Variants in CBFB observed in about 807,000 individuals in gnomAD.
CBFB encodes the protein CBF-beta.
Under a neutral mutation model 30.4 loss-of-function variants are expected in CBFB, and 9 were observed. The ratio of observed to expected loss-of-function variants is 0.30; its 90% CI spans 0.18 to 0.52. The LOEUF (loss-of-function observed/expected upper bound fraction) is 0.52, where lower values mean the gene tolerates loss of function less well. Among genes scored for constraint, CBFB ranks in the 20% least tolerant of loss-of-function variants. The pLI, the probability that CBFB is intolerant of heterozygous loss-of-function variation, is 0.97. For synonymous variants in CBFB, 94 were observed against 84.0 expected, an observed-to-expected ratio of 1.12 and a Z score of -0.65; for missense variants, 170 against 244.0, an observed-to-expected ratio of 0.70 and a Z score of 2.02.
chr16:67,095,522 A>G (rs960287932), intron 5 of CBFB, among the ~76,000 whole-genome samples: 9 of 151,886 alleles, frequency 5.9e-5, no homozygotes, highest in Admixed American at 2.6e-4. Context: ...TGCTCAAACA[A>G]CTGGTAAAAT....
chr16:67,069,345 G>A (rs1252729276), intron 4 of CBFB, among the ~76,000 whole-genome samples: 3 of 151,726 alleles, frequency 2.0e-5, no homozygotes, highest in Admixed American at 6.6e-5. Context: ...ACTCCAGCCT[G>A]GGCGACAGAG....
At position 67,098,774 on chromosome 16, in the gene CBFB, G is replaced by A. The variant is rs200416354; in HGVS notation, c.560G>A (p.Arg187His). 5.4e-5 allele frequency: 86 copies of A among 1,581,256 alleles called. No individual in the cohort carries two copies. The highest frequency in any genetic ancestry group is 6.8e-5 in the Non-Finnish European group (78 of 1,150,326). Residue 187 changes from arginine to histidine, a missense_variant, in exon 6 of 6, where the codon CGT becomes CAT. Coordinates refer to ENST00000412916, the MANE Select transcript of CBFB (RefSeq NM_022845.3). ...NLGGGDDLKL[R>H] is the part of the protein sequence containing the mutation. Reference sequence around the variant, plus strand: ...GGTGGTGGTGATGACCTCAAACTTCGTTAATTAATAGCACAGCAGATGTGT... The same window carrying A: ...GGTGGTGGTGATGACCTCAAACTTCATTAATTAATAGCACAGCAGATGTGT...
intron 4 of CBFB, 102 bp downstream of exon 4, chr16:67,066,900 A>T: frequency 1.6e-6 from 1 of 640,152 alleles, no homozygotes; most frequent in Non-Finnish European, 2.9e-6. Flanking sequence ...AAGTATAGAA[A>T]GTATTGTGTT....
intron 5 of CBFB, among the ~76,000 whole-genome samples, chr16:67,094,568 T>A (rs1240852548): frequency 6.6e-6 from 1 of 152,210 alleles, no homozygotes; most frequent in Admixed American, 6.5e-5. Flanking sequence ...AAAGCTGAAA[T>A]ACTCTTTTCA....
At chr16:67,070,805 C>A (rs922026091) in intron 4 of CBFB, among the ~76,000 whole-genome samples, 1 of 151,390 alleles carries the variant, frequency 6.6e-6, no homozygotes. Flanking sequence ...GAGCCGAGAT[C>A]ACACCACTGC....
At chr16:67,038,668 T>C (rs569356757) in intron 3 of CBFB, among the ~76,000 whole-genome samples, 1 of 152,112 alleles carries the variant, frequency 6.6e-6, no homozygotes, top group Non-Finnish European at 1.5e-5. Flanking sequence ...TTTTTTGTGC[T>C]TCTGGTGCGT....
chr16:67,037,177 G>A (rs1597123069), intron 3 of CBFB, among the ~76,000 whole-genome samples: 1 of 152,140 alleles, frequency 6.6e-6, no homozygotes, highest in Non-Finnish European at 1.5e-5. Context: ...GATTACAGGC[G>A]TGAGCCACTG....
intron 4 of CBFB, among the ~76,000 whole-genome samples, chr16:67,073,261 C>A (rs1470787097): frequency 6.6e-6 from 1 of 152,122 alleles, no homozygotes; most frequent in East Asian, 1.9e-4. Context: ...GGTATTGTCT[C>A]TGCTTTTGTC....
intron 3 of CBFB, among the ~76,000 whole-genome samples, chr16:67,066,345 C>T (rs1037181815): frequency 6.9e-6 from 1 of 144,824 alleles, no homozygotes; most frequent in Non-Finnish European, 1.5e-5. Flanking sequence ...CTCAGGAGTT[C>T]AGCACCAGCC....
At chr16:67,085,143 T>A (rs1350287610) in intron 5 of CBFB, among the ~76,000 whole-genome samples, 1 of 149,142 alleles carries the variant, frequency 6.7e-6, no homozygotes, top group Non-Finnish European at 1.5e-5. Flanking sequence ...TGAAATAAAT[T>A]GTGTGTGTGT....
At chr16:67,029,624 G>A in intron 1 of CBFB, 103 bp from the exon 2 acceptor site, 2 of 1,324,632 alleles carry the variant, frequency 1.5e-6, no homozygotes, top group Non-Finnish European at 2.1e-6. Flanking sequence ...GGCGGCCATC[G>A]CCCGCAGCCT....
At chr16:67,043,479 C>T (rs1966568235) in intron 3 of CBFB, among the ~76,000 whole-genome samples, 1 of 152,138 alleles carries the variant, frequency 6.6e-6, no homozygotes, top group African/African-American at 2.4e-5. Flanking sequence ...TTACATATGA[C>T]CAAGTCAGAG....
intron 3 of CBFB, among the ~76,000 whole-genome samples, chr16:67,041,622 C>T (rs1229239034): frequency 6.6e-6 from 1 of 151,922 alleles, no homozygotes; most frequent in Non-Finnish European, 1.5e-5. Flanking sequence ...AGAATGACTC[C>T]AACTTTTTGG....
intron 4 of CBFB, among the ~76,000 whole-genome samples, chr16:67,078,705 A>G (rs8061016): frequency 0.02 from 3,084 of 152,194 alleles, 101 homozygotes; most frequent in African/African-American, 0.07. Context: ...CTGGAGTGCA[A>G]TGGTGTGATC....
intron 5 of CBFB, among the ~76,000 whole-genome samples, chr16:67,098,352 G>A (rs1441881316): frequency 6.6e-6 from 1 of 152,090 alleles, no homozygotes; most frequent in Non-Finnish European, 1.5e-5. Flanking sequence ...GGCCAGGCTG[G>A]TCTCGAACTC....
At chr16:67,066,636 T>C in intron 3 of CBFB, 46 bp from the exon 4 acceptor site, 1 of 990,356 alleles carries the variant, frequency 1.0e-6, no homozygotes, top group Non-Finnish European at 1.6e-6. Context: ...TTTATTTTCA[T>C]GTGTCTGATG....
chr16:67,090,814 A>G (rs1348746621), intron 5 of CBFB, among the ~76,000 whole-genome samples: 2 of 152,244 alleles, frequency 1.3e-5, no homozygotes, highest in East Asian at 1.9e-4. Flanking sequence ...TACAATTCAA[A>G]TCATAGAATT....
intron 3 of CBFB, among the ~76,000 whole-genome samples, chr16:67,059,009 C>T (rs939089678): frequency 2.6e-5 from 4 of 152,088 alleles, no homozygotes; most frequent in African/African-American, 9.7e-5. Flanking sequence ...GTTTTAATTG[C>T]CTTGAAATTC....
At chr16:67,035,061 C>T (rs1233753044) in intron 2 of CBFB, among the ~76,000 whole-genome samples, 2 of 151,094 alleles carry the variant, frequency 1.3e-5, no homozygotes, top group Non-Finnish European at 2.9e-5. Context: ...GATTTATGCT[C>T]GTAGTACATG....
Sources: allele counts gnomAD v4.1 joint callset (sites outside exome capture counted in the v4.1 genomes callset), GRCh38; gene constraint gnomAD v4.1.1; transcripts MANE v1.5; gene names NCBI Gene and HGNC (gene_info 2026-07-23, HGNC 2026-07-21).